Variants in AKAP13 observed in about 807,000 individuals in gnomAD.
The protein encoded by AKAP13 is A-kinase anchoring protein 13.
Under a neutral mutation model 264.5 loss-of-function variants are expected in AKAP13, and 80 were observed. The ratio of observed to expected loss-of-function variants is 0.30; its 90% CI spans 0.25 to 0.36. AKAP13 has a LOEUF of 0.36. AKAP13 is among the 10% of genes least tolerant of loss of function. The probability of loss-of-function intolerance (pLI) is 1.00; values close to 1 mark genes in which losing one functional copy is unlikely to be tolerated. For synonymous variants in AKAP13, 1,380 were observed against 1,250.2 expected, an observed-to-expected ratio of 1.10 and a Z score of -2.19; for missense variants, 3,712 against 3,435.2, an observed-to-expected ratio of 1.08 and a Z score of -2.01.
chr15:85,567,259 C>T (rs1329058035), intron 5 of AKAP13, among the ~76,000 whole-genome samples: 1 of 151,914 alleles, frequency 6.6e-6, no homozygotes, highest in Non-Finnish European at 1.5e-5. Context: ...AGGCGTGTAC[C>T]ACCACACCCA....
At chr15:85,574,778 G>T (rs1033941180) in intron 5 of AKAP13, among the ~76,000 whole-genome samples, 4 of 152,176 alleles carry the variant, frequency 2.6e-5, no homozygotes, top group Non-Finnish European at 5.9e-5. Context: ...CTCTTAATAA[G>T]CCTTGATTTT....
rs1464701238 is a variant in AKAP13, at chr15:85,708,601, A to G, written c.5532+515A>G. 6.6e-6 allele frequency among the ~76,000 whole-genome samples: 1 copy of G among 152,086 alleles called. No individual in the cohort carries two copies. Among genetic ancestry groups the G allele is most frequent in the East Asian group, 1.9e-4 (1 of 5,188 alleles). On this transcript the variant is annotated intron_variant, in intron 18 of 36. Transcript: ENST00000394518. The surrounding 1 kb of genome is among the most constrained non-coding windows in gnomAD (Gnocchi z 4.3). Reference sequence around the variant, plus strand: ...CGTAAGAATAGAAAGTGCCTGTTTTATGGTGGTATCTGCCCTGAGCATGTA... The same window carrying G: ...CGTAAGAATAGAAAGTGCCTGTTTTGTGGTGGTATCTGCCCTGAGCATGTA...
intron 19 of AKAP13, among the ~76,000 whole-genome samples, chr15:85,714,412 A>T (rs926596354): frequency 6.6e-6 from 1 of 152,222 alleles, no homozygotes; most frequent in Non-Finnish European, 1.5e-5. Flanking sequence ...TTCAGGGGTC[A>T]TCTGTAGTTA....
At chr15:85,524,448 A>G (rs1046987974) in intron 3 of AKAP13, among the ~76,000 whole-genome samples, 5 of 151,974 alleles carry the variant, frequency 3.3e-5, no homozygotes, top group Non-Finnish European at 7.4e-5. Flanking sequence ...TGCTGGGATT[A>G]CAGACGTGAG....
intron 1 of AKAP13, among the ~76,000 whole-genome samples, chr15:85,453,549 T>C (rs893392954): frequency 6.6e-6 from 1 of 152,188 alleles, no homozygotes; most frequent in Non-Finnish European, 1.5e-5. Flanking sequence ...AAGGCACCTA[T>C]AGGAAGTGGC....
chr15:85,589,204 C>G (rs773831562), intron 8 of AKAP13, among the ~76,000 whole-genome samples: 1 of 152,118 alleles, frequency 6.6e-6, no homozygotes, highest in African/African-American at 2.4e-5. Flanking sequence ...TAGGTTTTCA[C>G]TGGATGGGGA....
chr15:85,658,330 A>C (rs1331594997), intron 11 of AKAP13, among the ~76,000 whole-genome samples: 1 of 152,174 alleles, frequency 6.6e-6, no homozygotes, highest in East Asian at 1.9e-4. Context: ...CCTTGGAGCA[A>C]GGGGAGGAGC....
intron 2 of AKAP13, among the ~76,000 whole-genome samples, chr15:85,491,766 T>A (rs1484155286): frequency 6.6e-6 from 1 of 152,108 alleles, no homozygotes; most frequent in African/African-American, 2.4e-5. Flanking sequence ...TACCTGCAGT[T>A]GTGTAATTCA....
At chr15:85,512,521 G>A (rs897963909) in intron 2 of AKAP13, among the ~76,000 whole-genome samples, 1 of 151,974 alleles carries the variant, frequency 6.6e-6, no homozygotes, top group Admixed American at 6.6e-5. Flanking sequence ...ACACCTAACT[G>A]TGTCTCCTCT....
At chr15:85,415,583 CT>C (rs1567045752) in intron 1 of AKAP13, 1 of 1,425,804 alleles carries the variant, frequency 7.0e-7, no homozygotes. Flanking sequence ...TAGTGGTGGA[CT>C]GTGTCATGAA....
intron 23 of AKAP13, among the ~76,000 whole-genome samples, chr15:85,719,601 T>A (rs1395171681): frequency 1.3e-5 from 2 of 152,192 alleles, no homozygotes; most frequent in Non-Finnish European, 2.9e-5. Context: ...TTTTTCTTCC[T>A]CAGAGTCTGT....
At chr15:85,548,326 G>A (rs1439952310) in intron 5 of AKAP13, among the ~76,000 whole-genome samples, 5 of 152,142 alleles carry the variant, frequency 3.3e-5, no homozygotes, top group African/African-American at 9.7e-5. Context: ...AGCCTTTAGT[G>A]TATGCAATAT....
At chr15:85,733,719 C>G (rs190795260) in intron 30 of AKAP13, among the ~76,000 whole-genome samples, 2 of 151,894 alleles carry the variant, frequency 1.3e-5, no homozygotes, top group African/African-American at 4.8e-5. Flanking sequence ...CCATTTTCTG[C>G]TGGGTTAATT....
intron 2 of AKAP13, among the ~76,000 whole-genome samples, chr15:85,519,426 C>T (rs894041309): frequency 6.6e-6 from 1 of 152,132 alleles, no homozygotes; most frequent in African/African-American, 2.4e-5. Context: ...GTTTGTCAAC[C>T]TGTGCTGCAA....
chr15:85,651,819 A>G (rs2151508948), intron 10 of AKAP13, among the ~76,000 whole-genome samples: 1 of 152,346 alleles, frequency 6.6e-6, no homozygotes, highest in East Asian at 1.9e-4. Flanking sequence ...AGAACTTCGT[A>G]TAAATGGAAT....
chr15:85,627,006 T>TA (rs1370597531), intron 8 of AKAP13, among the ~76,000 whole-genome samples: 3 of 152,206 alleles, frequency 2.0e-5, no homozygotes, highest in African/African-American at 4.8e-5. Context: ...AATGCACACT[T>TA]ACTTTTGTCC....
At position 85,682,185 on chromosome 15, in the gene AKAP13, A is replaced by G. The variant is rs2084637472; in HGVS notation, c.5129A>G (p.His1710Arg). ...TCACGGCCCTTCCACAGTACCTTCCACAATACCAGTGCTAATCTGACTGAG... is the reference window on the plus strand; with the variant it reads ...TCACGGCCCTTCCACAGTACCTTCCGCAATACCAGTGCTAATCTGACTGAG... ...DNSRPFHSTF[H>R]NTSANLTESI... The change falls in exon 15 of 37, where the codon CAC (histidine) becomes CGC (arginine). Residue 1710 changes from histidine to arginine, a missense_variant. By Grantham distance (29) the His-to-Arg change is conservative. Transcript: ENST00000394518. 7 of 1,613,486 alleles carry G rather than the reference A, an allele frequency of 4.3e-6. No individual in the cohort carries two copies. Among genetic ancestry groups the G allele is most frequent in the Non-Finnish European group, 5.9e-6 (7 of 1,179,954 alleles).
chr15:85,633,023 G>C (rs1054897762), intron 8 of AKAP13, among the ~76,000 whole-genome samples: 1 of 152,040 alleles, frequency 6.6e-6, no homozygotes, highest in Non-Finnish European at 1.5e-5. Flanking sequence ...GTGCCACCAC[G>C]CCCAGATAAT....
At chr15:85,706,463 T>C (rs1390420226) in intron 17 of AKAP13, among the ~76,000 whole-genome samples, 1 of 152,158 alleles carries the variant, frequency 6.6e-6, no homozygotes, top group Non-Finnish European at 1.5e-5. Context: ...ATGTGATTCC[T>C]CCTTTTTAAT....
Sources: allele counts gnomAD v4.1 joint callset (sites outside exome capture counted in the v4.1 genomes callset), GRCh38; gene constraint gnomAD v4.1.1; non-coding constraint Gnocchi (gnomAD v3.1); transcripts MANE v1.5; gene names NCBI Gene and HGNC (gene_info 2026-07-23, HGNC 2026-07-21).